The following OXR1 variants were observed in gnomAD, a reference collection of about 807,000 sequenced individuals.
The protein encoded by OXR1 is oxidation resistance 1.
OXR1 carries 41 observed loss-of-function variants against 104.6 expected under a neutral mutation model. The ratio of observed to expected loss-of-function variants is 0.39; its 90% confidence interval spans 0.31 to 0.51. The LOEUF is 0.51. OXR1 is among the 20% of genes least tolerant of loss of function. The probability of loss-of-function intolerance (pLI) is 0.77; values close to 1 mark genes in which losing one functional copy is unlikely to be tolerated. For missense variants in OXR1, 955 were observed against 1,031.9 expected (o/e 0.93, Z 1.02); for synonymous variants, 348 against 348.4 (o/e 1.00, Z 0.01).
chr8:106,423,430 G>A (rs2130541761), intron 2 of OXR1, among the ~76,000 whole-genome samples: 1 of 152,248 alleles, frequency 6.6e-6, no homozygotes, highest in Middle Eastern at 3.4e-3. Flanking sequence ...GTTCATTTAA[G>A]GAGCGATTTC....
intron 3 of OXR1, among the ~76,000 whole-genome samples, chr8:106,598,402 T>C (rs1819689907): frequency 6.6e-6 from 1 of 152,166 alleles, no homozygotes; most frequent in African/African-American, 2.4e-5. Context: ...GGAGGAAAGG[T>C]AACTCCTGCC....
At chr8:106,741,836 G>T (rs1834943281) in intron 14 of OXR1, among the ~76,000 whole-genome samples, 1 of 152,070 alleles carries the variant, frequency 6.6e-6, no homozygotes. Flanking sequence ...GTGATAGAAT[G>T]TTTCCCTATA....
intron 3 of OXR1, among the ~76,000 whole-genome samples, chr8:106,563,495 T>C (rs1023297927): frequency 1.1e-4 from 16 of 152,008 alleles, no homozygotes; most frequent in African/African-American, 3.4e-4. Flanking sequence ...TAAAGCAAGT[T>C]CTTAGAGACG....
chr8:106,693,160 GC>G (rs1412003776), intron 7 of OXR1, among the ~76,000 whole-genome samples: 2 of 152,140 alleles, frequency 1.3e-5, no homozygotes, highest in African/African-American at 4.8e-5. Context: ...TAAAATGACT[GC>G]TGCCAGGTAC....
intron 8 of OXR1, among the ~76,000 whole-genome samples, chr8:106,703,553 A>G (rs929869157): frequency 7.2e-5 from 11 of 151,992 alleles, no homozygotes; most frequent in South Asian, 2.1e-4. Flanking sequence ...TATGTTTGCA[A>G]TCTTCTCTCC....
Position 106,713,822 on chromosome 8 carries a change from G to A in OXR1, c.1794-1G>A. 6.5e-7 allele frequency: 1 copy of A among 1,544,806 alleles called. No individual in the cohort carries two copies. Among genetic ancestry groups the A allele is most frequent in the Non-Finnish European group, 8.7e-7 (1 of 1,155,430 alleles). On this transcript the variant is annotated splice_acceptor_variant, in intron 10 of 16. Transcript: ENST00000517566. LOFTEE classifies it high-confidence loss of function. Reference sequence around the variant, plus strand: ...ATATTAATAGTCACTTCTCCTAACAGGACAGATCACTTGTATGCCTTCTTC... The same window carrying A: ...ATATTAATAGTCACTTCTCCTAACAAGACAGATCACTTGTATGCCTTCTTC...
chr8:106,457,192 A>G (rs1212632836), intron 2 of OXR1, among the ~76,000 whole-genome samples: 1 of 152,156 alleles, frequency 6.6e-6, no homozygotes, highest in Non-Finnish European at 1.5e-5. Flanking sequence ...CTTTTATTAA[A>G]AGATTAATGC....
chr8:106,611,635 T>C (rs571738402), intron 3 of OXR1, among the ~76,000 whole-genome samples: 21 of 152,230 alleles, frequency 1.4e-4, no homozygotes, highest in African/African-American at 4.6e-4. Context: ...CCCACGCAAA[T>C]TGGCAGCGCT....
chr8:106,651,593 A>T (rs1824576913), intron 3 of OXR1, among the ~76,000 whole-genome samples: 1 of 152,144 alleles, frequency 6.6e-6, no homozygotes, highest in African/African-American at 2.4e-5. Context: ...TTTACTTCTG[A>T]ACCCTGAATT....
intron 11 of OXR1, among the ~76,000 whole-genome samples, chr8:106,714,552 A>G (rs1563738981): frequency 6.6e-6 from 1 of 152,096 alleles, no homozygotes; most frequent in East Asian, 1.9e-4. Flanking sequence ...GCTCAGATTT[A>G]CTGAACTTGT....
intron 2 of OXR1, among the ~76,000 whole-genome samples, chr8:106,380,799 G>C (rs979185745): frequency 6.6e-6 from 1 of 151,900 alleles, no homozygotes; most frequent in African/African-American, 2.4e-5. Context: ...TATTTTACTT[G>C]GGTTATTGTA....
chr8:106,375,800 G>T (rs935411673), intron 2 of OXR1, among the ~76,000 whole-genome samples: 2 of 152,214 alleles, frequency 1.3e-5, no homozygotes, highest in African/African-American at 4.8e-5. Flanking sequence ...GTTAGAAAAA[G>T]AGGTGACATC....
intron 5 of OXR1, 95 bp downstream of exon 5, chr8:106,683,401 G>T: frequency 1.9e-6 from 1 of 535,550 alleles, no homozygotes; most frequent in East Asian, 2.9e-5. Flanking sequence ...TAGAAAATTT[G>T]AGAATAATTT....
intron 3 of OXR1, among the ~76,000 whole-genome samples, chr8:106,546,655 G>T (rs1287593168): frequency 6.6e-6 from 1 of 152,212 alleles, no homozygotes; most frequent in Non-Finnish European, 1.5e-5. Flanking sequence ...AACAGTCAAT[G>T]ATGTATTCCC....
intron 2 of OXR1, among the ~76,000 whole-genome samples, chr8:106,451,866 A>G (rs1820331855): frequency 6.6e-6 from 1 of 152,222 alleles, no homozygotes; most frequent in Non-Finnish European, 1.5e-5. Flanking sequence ...AGAATTTTAC[A>G]GGTTAGTGGG....
At chr8:106,541,094 A>G (rs1814920836) in intron 3 of OXR1, among the ~76,000 whole-genome samples, 1 of 152,194 alleles carries the variant, frequency 6.6e-6, no homozygotes, top group South Asian at 2.1e-4. Context: ...ATCAGTAAAA[A>G]GATATTCTCT....
chr8:106,521,918 C>A (rs993492146), intron 3 of OXR1, among the ~76,000 whole-genome samples: 1 of 152,102 alleles, frequency 6.6e-6, no homozygotes, highest in Non-Finnish European at 1.5e-5. Context: ...CGTCTACAAG[C>A]CAATATGCTC....
intron 11 of OXR1, among the ~76,000 whole-genome samples, chr8:106,718,006 A>G (rs10101102): frequency 0.12 from 18,743 of 152,258 alleles, 1,452 homozygotes; most frequent in East Asian, 0.34. Flanking sequence ...TTAAGGAAAC[A>G]TATCTTTGTA....
At chr8:106,715,640 C>A (rs927804755) in intron 11 of OXR1, among the ~76,000 whole-genome samples, 9 of 152,008 alleles carry the variant, frequency 5.9e-5, no homozygotes, top group South Asian at 2.1e-4. Flanking sequence ...TCAGTGACAA[C>A]CTGGTAACCA....
Sources: gnomAD v4.1 joint callset for allele counts (sites outside exome capture counted in the v4.1 genomes callset) on GRCh38, gnomAD v4.1.1 for gene constraint, MANE v1.5 for transcripts, NCBI Gene and HGNC (gene_info 2026-07-23, HGNC 2026-07-21) for gene names.